Variants in CRIM1 observed in about 807,000 individuals in gnomAD.
The protein encoded by CRIM1 is cysteine rich transmembrane BMP regulator 1, also known as cysteine-rich motor neuron 1 protein.
A neutral mutation model predicts 116.4 loss-of-function variants in CRIM1; 32 were observed. That is an observed-to-expected ratio of 0.27 (90% CI 0.21 to 0.37). The LOEUF (loss-of-function observed/expected upper bound fraction) is 0.37. Among genes scored for constraint, CRIM1 ranks in the 10% least tolerant of loss-of-function variants. CRIM1 has a pLI of 1.00. For synonymous variants in CRIM1, 590 were observed against 509.2 expected (o/e 1.16, Z -2.13); for missense variants, 1,331 against 1,354.8 (o/e 0.98, Z 0.28).
chr2:36,512,456 T>C (rs1664753764), intron 10 of CRIM1, 62 bp downstream of exon 10: 2 of 1,541,960 alleles, frequency 1.3e-6, no homozygotes, highest in African/African-American at 1.4e-5. Context: ...ACAAGGAACA[T>C]AAGGACACCC....
rs192705900 is a variant in CRIM1, at chr2:36,481,867, C to G, written c.1372+2173C>G. 3.5e-4 allele frequency among the ~76,000 whole-genome samples: 53 copies of G among 152,324 alleles called. No homozygotes were observed. In the East Asian group the frequency reaches 8.1e-3, roughly 23 times the overall value. ...CTTCTAGTGTCCTCACCCATCTCTA[C>G]TCACCTCTGGCTTTTGGCTCTGTTG... On this transcript the variant is annotated intron_variant, in intron 7 of 16. Coordinates refer to ENST00000280527, the MANE Select transcript of CRIM1 (RefSeq NM_016441.3).
chr2:36,379,665 T>G (rs190789543), intron 1 of CRIM1, among the ~76,000 whole-genome samples: 1 of 151,878 alleles, frequency 6.6e-6, no homozygotes, highest in Non-Finnish European at 1.5e-5. Context: ...TCTTAGTAAA[T>G]GAGTGTTCTG....
intron 8 of CRIM1, among the ~76,000 whole-genome samples, chr2:36,504,257 A>G (rs1681228695): frequency 6.6e-6 from 1 of 152,096 alleles, no homozygotes; most frequent in South Asian, 2.1e-4. Flanking sequence ...TTCACTCATT[A>G]TTTTATTCAT....
chr2:36,517,241 A>G (rs966510791), intron 11 of CRIM1, 86 bp from the exon 12 acceptor site: 57 of 1,019,540 alleles, frequency 5.6e-5, no homozygotes, highest in East Asian at 4.6e-4. Context: ...CATCTCTTCT[A>G]TCCCTTAAAG....
At chr2:36,519,494 TA>T in intron 12 of CRIM1, among the ~76,000 whole-genome samples, 1 of 152,332 alleles carries the variant, frequency 6.6e-6, no homozygotes, top group Non-Finnish European at 1.5e-5. Flanking sequence ...TAAAAAGCCT[TA>T]AAACTCAAAT....
At chr2:36,473,377 C>T (rs905809608) in intron 5 of CRIM1, among the ~76,000 whole-genome samples, 1 of 152,076 alleles carries the variant, frequency 6.6e-6, no homozygotes, top group Admixed American at 6.6e-5. Context: ...TTAGGAGACA[C>T]CATGCAATTT....
intron 13 of CRIM1, among the ~76,000 whole-genome samples, chr2:36,534,972 T>A (rs1666433239): frequency 6.6e-6 from 1 of 152,136 alleles, no homozygotes; most frequent in Non-Finnish European, 1.5e-5. Flanking sequence ...CATAAAGAAT[T>A]CTCAGCAAAA....
rs1680761485 is a variant in CRIM1, at chr2:36,498,534, T to TA, written c.1373-684dup. ...ATTACCCAAAGCAATTCTTCATTAA[T>TA]ATGGTAAAGCGTCACCTCTGGTCTT... On this transcript the variant is annotated intron_variant, in intron 7 of 16. Coordinates refer to ENST00000280527, the MANE Select transcript of CRIM1 (RefSeq NM_016441.3). Among the ~76,000 whole-genome samples, 3 of 152,214 alleles carry TA rather than the reference T, an allele frequency of 2.0e-5. No individual in the cohort carries two copies. In the South Asian group the frequency reaches 6.2e-4, roughly 32 times the overall value.
chr2:36,454,050 G>A (rs888078), intron 4 of CRIM1, among the ~76,000 whole-genome samples: 74,801 of 152,002 alleles, frequency 0.49, 19,440 homozygotes, highest in African/African-American at 0.67. Flanking sequence ...CTTGTTTAAG[G>A]TGTTTTGTTA....
intron 2 of CRIM1, among the ~76,000 whole-genome samples, chr2:36,432,140 A>G (rs1402670538): frequency 1.3e-5 from 2 of 152,204 alleles, no homozygotes; most frequent in Admixed American, 6.5e-5. Flanking sequence ...CATTTGTCCC[A>G]TTCTCTAATA....
At chr2:36,406,344 C>T (rs1479977987) in intron 2 of CRIM1, among the ~76,000 whole-genome samples, 1 of 152,108 alleles carries the variant, frequency 6.6e-6, no homozygotes, top group Non-Finnish European at 1.5e-5. Flanking sequence ...TTGGGGAAAG[C>T]TCTTGGCCTT....
chr2:36,388,644 C>T (rs776632021), intron 1 of CRIM1, among the ~76,000 whole-genome samples: 1 of 152,170 alleles, frequency 6.6e-6, no homozygotes. Context: ...CTCTCCATTA[C>T]ACCATCCCCC....
At chr2:36,449,835 A>G (rs1002431956) in intron 4 of CRIM1, among the ~76,000 whole-genome samples, 2 of 151,622 alleles carry the variant, frequency 1.3e-5, no homozygotes, top group South Asian at 2.1e-4. Flanking sequence ...AGGGGAAGTT[A>G]TAAAAGAATT....
intron 2 of CRIM1, among the ~76,000 whole-genome samples, chr2:36,430,137 T>C (rs1226305371): frequency 1.3e-5 from 2 of 152,126 alleles, no homozygotes; most frequent in African/African-American, 4.8e-5. Context: ...AAATTGCTGG[T>C]ATTTTGAAAT....
At chr2:36,497,060 T>C (rs150625862) in intron 7 of CRIM1, among the ~76,000 whole-genome samples, 44 of 152,316 alleles carry the variant, frequency 2.9e-4, no homozygotes, top group African/African-American at 9.9e-4. Context: ...TATACATTTT[T>C]CAAGGTCAGT....
At chr2:36,449,031 CT>C (rs1469220706) in intron 4 of CRIM1, among the ~76,000 whole-genome samples, 2 of 136,328 alleles carry the variant, frequency 1.5e-5, no homozygotes, top group Non-Finnish European at 3.2e-5. Flanking sequence ...ATTTTTTTGA[CT>C]TGTTTTTTTT....
At chr2:36,376,425 C>G (rs924905261) in intron 1 of CRIM1, among the ~76,000 whole-genome samples, 2 of 152,228 alleles carry the variant, frequency 1.3e-5, no homozygotes, top group Non-Finnish European at 2.9e-5. Context: ...TGTCCCTGGA[C>G]TGCATTTCCT....
chr2:36,432,992 A>G (rs1296578999), intron 2 of CRIM1, among the ~76,000 whole-genome samples: 1 of 152,044 alleles, frequency 6.6e-6, no homozygotes, highest in Admixed American at 6.6e-5. Flanking sequence ...GTTTGTTCAA[A>G]CCCAGATTAC....
Position 36,420,407 on chromosome 2 carries a change from C to T in CRIM1, c.506-20851C>T, listed in dbSNP as rs570099161. On this transcript the variant is annotated intron_variant, in intron 2 of 16. Coordinates refer to ENST00000280527, the MANE Select transcript of CRIM1 (RefSeq NM_016441.3). The stretch of plus-strand genomic sequence containing the variant: ...GGGAGAGGTAGAGCCGAGGTTGGAA[C>T]CCAGATGGTTTCATTCTGGATCTCC... Among the ~76,000 whole-genome samples, 10 of 152,270 alleles carry T rather than the reference C, an allele frequency of 6.6e-5. No individual in the cohort carries two copies. The South Asian group carries it at 1.7e-3, about 25-fold the overall frequency.
Sources: allele counts gnomAD v4.1 joint callset (sites outside exome capture counted in the v4.1 genomes callset), GRCh38; gene constraint gnomAD v4.1.1; transcripts MANE v1.5; gene names NCBI Gene and HGNC (gene_info 2026-07-23, HGNC 2026-07-21).